Variants in SLC38A9 observed in about 807,000 individuals in gnomAD.
The protein encoded by SLC38A9 is solute carrier family 38 member 9.
Under a neutral mutation model 62.3 loss-of-function variants are expected in SLC38A9, and 48 were observed. That is an observed-to-expected ratio of 0.77 (90% confidence interval 0.61 to 0.98). The LOEUF (loss-of-function observed/expected upper bound fraction) is 0.98, where lower values mean the gene tolerates loss of function less well. Ranked by LOEUF, SLC38A9 falls within the 50% of genes least tolerant of loss-of-function variation. The pLI, the probability that SLC38A9 is intolerant of heterozygous loss-of-function variation, is 0.00. For missense variants in SLC38A9, 541 were observed against 679.8 expected (o/e 0.80, Z 2.27); for synonymous variants, 204 against 227.7 (o/e 0.90, Z 0.94).
intron 12 of SLC38A9, among the ~76,000 whole-genome samples, chr5:55,640,205 C>T (rs1471505250): frequency 4.6e-5 from 7 of 152,042 alleles, no homozygotes; most frequent in Non-Finnish European, 8.8e-5. Flanking sequence ...AGGCTGGTCT[C>T]AAACTCCTGA....
At chr5:55,664,914 T>C (rs375371845) in intron 7 of SLC38A9, 51 bp from the exon 8 acceptor site, 2 of 1,275,250 alleles carry the variant, frequency 1.6e-6, no homozygotes, top group Non-Finnish European at 2.1e-6. Flanking sequence ...ATATATTCCA[T>C]ATTCATAATT....
At position 55,664,425 on chromosome 5, in the gene SLC38A9, A is replaced by G. The variant is rs1580241943; in HGVS notation, c.697+268T>C. The G allele has an allele frequency of 1.7e-5, 3 of 179,604 alleles. No homozygotes were observed. In the East Asian group the frequency reaches 3.9e-4, roughly 23 times the overall value. 11.1% of individuals were successfully genotyped at this position (179,604 alleles called of 1,614,324 possible). A position where few individuals can be genotyped will look rare whatever the true frequency, so the allele number is the denominator to read the frequency against. ...TTCTTTAGTGAAACAAACTTAAAAG[A>G]TCTGTTGGATTATAGACATATTTTA... is the stretch of plus-strand genomic sequence containing the variant. On this transcript the variant is annotated intron_variant, in intron 8 of 15. Transcript: ENST00000396865.
chr5:55,682,293 T>C (rs1753138987), intron 3 of SLC38A9, among the ~76,000 whole-genome samples: 1 of 152,056 alleles, frequency 6.6e-6, no homozygotes, highest in Non-Finnish European at 1.5e-5. Flanking sequence ...ACAACTACAA[T>C]AAATGTTCTT....
At chr5:55,628,786 C>A (rs1468421541) in intron 14 of SLC38A9, among the ~76,000 whole-genome samples, 1 of 152,086 alleles carries the variant, frequency 6.6e-6, no homozygotes, top group South Asian at 2.1e-4. Context: ...TAGATATTAA[C>A]AATTCAAGGT....
chr5:55,709,983 C>T (rs1280691528), intron 2 of SLC38A9, among the ~76,000 whole-genome samples: 6 of 145,678 alleles, frequency 4.1e-5, no homozygotes, highest in African/African-American at 1.3e-4. Flanking sequence ...GCAGGGGAAT[C>T]GCTTGAACCC....
intron 9 of SLC38A9, among the ~76,000 whole-genome samples, chr5:55,656,279 A>T (rs1748413081): frequency 6.6e-6 from 1 of 151,942 alleles, no homozygotes; most frequent in Non-Finnish European, 1.5e-5. Flanking sequence ...GTTTATTACT[A>T]GAAAATGAAT....
At chr5:55,652,357 CA>C (rs60557392) in intron 10 of SLC38A9, among the ~76,000 whole-genome samples, 171 bp downstream of exon 10, 971 of 56,166 alleles carry the variant, frequency 0.017, 11 homozygotes, top group African/African-American at 0.062. Context: ...AACTCCGTCT[CA>C]AAAAAAAAAA....
chr5:55,659,823 T>C (rs999494862), intron 8 of SLC38A9, among the ~76,000 whole-genome samples: 3 of 152,052 alleles, frequency 2.0e-5, no homozygotes, highest in African/African-American at 7.2e-5. Context: ...TGGAGTGCAG[T>C]GGCACGGTCT....
chr5:55,675,230 A>G (rs148435461), intron 3 of SLC38A9: 1 of 152,372 alleles, frequency 6.6e-6, no homozygotes, highest in East Asian at 1.9e-4. Context: ...GGTTTCTTAC[A>G]GAAGTGTTAA....
intron 3 of SLC38A9, among the ~76,000 whole-genome samples, chr5:55,681,083 CTAG>C (rs1167808536): frequency 6.6e-6 from 1 of 152,170 alleles, no homozygotes; most frequent in Non-Finnish European, 1.5e-5. Context: ...TCACACATTG[CTAG>C]TAGAAGTATA....
chr5:55,692,601 T>A, intron 3 of SLC38A9: 1 of 984,102 alleles, frequency 1.0e-6, no homozygotes, highest in Non-Finnish European at 1.2e-6. Flanking sequence ...TAGGTAGTTA[T>A]GCCATGATTG....
intron 3 of SLC38A9, among the ~76,000 whole-genome samples, chr5:55,682,157 C>G (rs1013277637): frequency 1.1e-5 from 1 of 93,934 alleles, no homozygotes; most frequent in Non-Finnish European, 2.7e-5. Flanking sequence ...TAGGTTTTTC[C>G]TTCAGGAAAA....
intron 10 of SLC38A9, among the ~76,000 whole-genome samples, chr5:55,651,497 G>A (rs757458993): frequency 1.2e-4 from 18 of 151,468 alleles, no homozygotes; most frequent in East Asian, 1.9e-4. Context: ...ATCCACCTGC[G>A]TCAGCCTCCC....
intron 8 of SLC38A9, among the ~76,000 whole-genome samples, chr5:55,663,919 T>C (rs1750037316): frequency 1.3e-5 from 2 of 152,222 alleles, no homozygotes; most frequent in African/African-American, 4.8e-5. Flanking sequence ...ATTTTAAATA[T>C]ATGCTTTATT....
At chr5:55,635,514 A>G (rs1429333172) in intron 13 of SLC38A9, 30 bp downstream of exon 13, 6 of 1,447,854 alleles carry the variant, frequency 4.1e-6, no homozygotes, top group African/African-American at 1.4e-5. Context: ...AGTGTACACA[A>G]TCACACAGAG....
Position 55,669,897 on chromosome 5 carries a change from T to C in SLC38A9, c.247-18A>G, listed in dbSNP as rs115252688. ...GGGGCAATCTGGTAAAAAGGAAACA[T>C]AGATAAATTTCAGAACCAGGAAATG... On this transcript the variant is annotated intron_variant, in intron 4 of 15. Transcript: ENST00000396865. 680 of 1,572,958 alleles carry C rather than the reference T, an allele frequency of 4.3e-4. 3 individuals carry two copies. The African/African-American group carries it at 4.9e-3, about 11-fold the overall frequency.
chr5:55,657,223 C>T (rs1748612588), intron 8 of SLC38A9, among the ~76,000 whole-genome samples: 1 of 152,166 alleles, frequency 6.6e-6, no homozygotes. Context: ...GCTTCACCTT[C>T]TATAGTTTTC....
chr5:55,683,683 A>C (rs1162257199), intron 3 of SLC38A9, among the ~76,000 whole-genome samples: 1 of 152,222 alleles, frequency 6.6e-6, no homozygotes, highest in Non-Finnish European at 1.5e-5. Flanking sequence ...TTCTTTTGCC[A>C]ACATTATCTT....
chr5:55,672,555 T>A lies in SLC38A9; in HGVS notation c.246+8A>T, dbSNP rs896997912. 6.2e-7 allele frequency: 1 copy of A among 1,613,338 alleles called. No individual in the cohort carries two copies. The highest frequency in any genetic ancestry group is 1.1e-5 in the South Asian group (1 of 90,908). On this transcript the variant is annotated splice_region_variant and intron_variant, in intron 4 of 15. Transcript: ENST00000396865. ...ATTTTAGACTATTAGTAATGTTTTG[T>A]CTCTTACCAGTGCCTTGTCTGCAGG...
Sources: gnomAD v4.1 joint callset for allele counts (sites outside exome capture counted in the v4.1 genomes callset) on GRCh38, gnomAD v4.1.1 for gene constraint, MANE v1.5 for transcripts, NCBI Gene and HGNC (gene_info 2026-07-23, HGNC 2026-07-21) for gene names.